WDR20: variants seen among roughly 807,000 people sequenced by gnomAD.
WDR20 encodes WD repeat-containing protein 20.
A neutral mutation model predicts 38.7 loss-of-function variants in WDR20; 3 were observed. That is an observed-to-expected ratio of 0.08 (90% CI 0.04 to 0.20). The LOEUF is 0.20. Ranked by LOEUF, WDR20 falls within the 10% of genes least tolerant of loss-of-function variation. The pLI is 1.00. For missense variants in WDR20, 559 were observed against 727.7 expected, an observed-to-expected ratio of 0.77 and a Z score of 2.67; for synonymous variants, 298 against 285.6, an observed-to-expected ratio of 1.04 and a Z score of -0.44.
chr14:102,212,075 A>G (rs2062612854), downstream of WDR20, among the ~76,000 whole-genome samples: 1 of 152,134 alleles, frequency 6.6e-6, no homozygotes. Context: ...CTTAGGAGTC[A>G]TTTGCTGATA....
At chr14:102,202,940 C>T (rs578126979) in intron 2 of WDR20, among the ~76,000 whole-genome samples, 2 of 152,324 alleles carry the variant, frequency 1.3e-5, no homozygotes, top group South Asian at 2.1e-4. Flanking sequence ...TAGCTGCATA[C>T]TGGGCAAAAC....
chr14:102,211,438 G>A (rs1306854982), downstream of WDR20, among the ~76,000 whole-genome samples: 2 of 152,162 alleles, frequency 1.3e-5, no homozygotes, highest in Non-Finnish European at 2.9e-5. This position sits in a 1 kb window ranked among gnomAD's most constrained non-coding sequence, Gnocchi z 4.2. Context: ...AACATGTCAC[G>A]GTGGCGCCAT....
rs182799579 is a variant in WDR20, at chr14:102,148,082, C to T, written c.249+7910C>T. 7.2e-5 allele frequency among the ~76,000 whole-genome samples: 11 copies of T among 152,270 alleles called. No homozygotes were observed. In the East Asian group the frequency reaches 9.7e-4, roughly 13 times the overall value. On this transcript the variant is annotated intron_variant, in intron 1 of 2. Transcript: ENST00000342702. ...ATTTTTGTCGTCTGGAATTTAGTAT[C>T]TCAGAGAATAATTCTGTTTGTTTCT...
chr14:102,209,441 C>T lies in WDR20; in HGVS notation c.1271C>T (p.Ser424Phe), dbSNP rs2153021395. 1 of 1,614,230 alleles carries T rather than the reference C, an allele frequency of 6.2e-7. No homozygotes were observed. Among genetic ancestry groups the T allele is most frequent in the East Asian group, 2.2e-5 (1 of 44,892 alleles). ...AACAGTGTTACAACACCCGGGAACT[C>T]TGTGCCGCCTCCTCTGCCACGGTCC... is the stretch of plus-strand genomic sequence containing the variant. Reference protein sequence around the residue: ...NGNSVTTPGNSVPPPLPRSNS... With the variant: ...NGNSVTTPGNFVPPPLPRSNS... The change falls in exon 3 of 3, where the codon TCT becomes TTT. Residue 424 changes from serine (S) to phenylalanine (F), a missense_variant. Ser to Phe is a radical substitution (Grantham distance 155). Transcript: ENST00000342702. This position sits in a 1 kb window ranked among gnomAD's most constrained non-coding sequence, Gnocchi z 6.0.
At position 102,221,502 on chromosome 14, in the gene WDR20, A is replaced by G. The variant is rs1229302495; in HGVS notation, c.1693-1328A>G. ...GGCTTGATGTGTTTGAGCCAGAAGT[A>G]TGGGGCGTTTGCGGGGTCCTCCACA... On this transcript the variant is annotated intron_variant, in intron 3 of 3. Transcript: ENST00000335263. The surrounding 1 kb of genome is among the most constrained non-coding windows in gnomAD (Gnocchi z 4.8). Among the ~76,000 whole-genome samples, 1 of 152,172 alleles carries G rather than the reference A, an allele frequency of 6.6e-6. No homozygotes were observed. Among genetic ancestry groups the G allele is most frequent in the Non-Finnish European group, 1.5e-5 (1 of 68,040 alleles).
At chr14:102,176,794 C>T (rs1038116286) in intron 1 of WDR20, among the ~76,000 whole-genome samples, 8 of 151,700 alleles carry the variant, frequency 5.3e-5, no homozygotes, top group African/African-American at 7.3e-5. Context: ...AGTGCAGTGG[C>T]GCCATCTCGG....
At chr14:102,152,071 T>A (rs760799308) in intron 1 of WDR20, among the ~76,000 whole-genome samples, 30 of 152,072 alleles carry the variant, frequency 2.0e-4, no homozygotes, top group Middle Eastern at 3.4e-3. Flanking sequence ...ATAGGCACCA[T>A]GCCCGGCTAA....
chr14:102,142,979 T>C (rs1003766962), intron 1 of WDR20, among the ~76,000 whole-genome samples: 1 of 151,878 alleles, frequency 6.6e-6, no homozygotes, highest in Non-Finnish European at 1.5e-5. Context: ...CCTGGGGAAA[T>C]GGAGTAGGTG....
downstream of WDR20, among the ~76,000 whole-genome samples, chr14:102,218,693 GTGAC>G (rs1235844105): frequency 1.1e-4 from 17 of 152,022 alleles, no homozygotes; most frequent in South Asian, 3.1e-3. Flanking sequence ...GAATAAAACA[GTGAC>G]TCTGCGGGGA....
downstream of WDR20, among the ~76,000 whole-genome samples, chr14:102,215,523 A>G (rs549445250): frequency 6.6e-6 from 1 of 152,066 alleles, no homozygotes; most frequent in African/African-American, 2.4e-5. Context: ...TTACATAGGG[A>G]TGCATGTGCC....
At chr14:102,215,201 C>T (rs1035274102), downstream of WDR20, among the ~76,000 whole-genome samples, 6 of 152,226 alleles carry the variant, frequency 3.9e-5, no homozygotes, top group East Asian at 1.9e-4. Context: ...AAATGTTCTG[C>T]GTCTCAGATA....
intron 1 of WDR20, among the ~76,000 whole-genome samples, chr14:102,170,842 T>A (rs2060655037): frequency 6.6e-6 from 1 of 152,136 alleles, no homozygotes; most frequent in Non-Finnish European, 1.5e-5. Context: ...AGACATTTTG[T>A]TCCATTTGTC....
chr14:102,182,099 T>G (rs1257703387), intron 1 of WDR20, among the ~76,000 whole-genome samples: 1 of 152,206 alleles, frequency 6.6e-6, no homozygotes, highest in Non-Finnish European at 1.5e-5. Flanking sequence ...TCCTAGAATC[T>G]TTAGAAGACT....
intron 1 of WDR20, among the ~76,000 whole-genome samples, chr14:102,158,973 C>T (rs954578568): frequency 1.3e-5 from 2 of 151,770 alleles, no homozygotes; most frequent in African/African-American, 4.9e-5. Flanking sequence ...GGCAGGGTCT[C>T]TCTCAGTCAC....
intron 2 of WDR20, among the ~76,000 whole-genome samples, chr14:102,200,462 T>TG (rs1567022815): frequency 1.3e-3 from 130 of 97,928 alleles, no homozygotes; most frequent in Admixed American, 3.2e-3. Flanking sequence ...TTTAAATTTT[T>TG]TTTTTTGTGT....
intron 2 of WDR20, among the ~76,000 whole-genome samples, chr14:102,204,310 T>C (rs2061108132): frequency 6.6e-6 from 1 of 152,202 alleles, no homozygotes. Context: ...TCCTTCTGTC[T>C]TGCTCAGCTG....
At chr14:102,176,349 C>G (rs1360274504) in intron 1 of WDR20, among the ~76,000 whole-genome samples, 1 of 151,268 alleles carries the variant, frequency 6.6e-6, no homozygotes, top group Non-Finnish European at 1.5e-5. Flanking sequence ...GAGCCAAGAT[C>G]GCGCCACTGT....
rs6575900 is a variant in WDR20 at position 102,209,013 on chromosome 14, G to C, written c.843G>C (p.Gly281=). 0.23 allele frequency: 375,279 copies of C among 1,613,834 alleles called. 53,653 individuals are homozygous for C. Among genetic ancestry groups the C allele is most frequent in the African/African-American group, 0.7 (52,506 of 74,894 alleles). ...SPDGKYIVTG[G]EDDLVTVWSF... is the part of the protein sequence containing the mutation. ...ATGGCAAGTACATCGTGACAGGTGG[G>C]GAGGACGACTTGGTGACAGTCTGGT... The change falls in exon 3 of 3, where the codon GGG becomes GGC. Residue 281 remains glycine, a synonymous_variant. Coordinates refer to ENST00000342702, the MANE Select transcript of WDR20 (RefSeq NM_144574.4). The surrounding 1 kb of genome is among the most constrained non-coding windows in gnomAD (Gnocchi z 6.0).
In WDR20 at chr14:102,208,688, A is replaced by C. The variant is rs769604666; in HGVS notation, c.518A>C (p.Asn173Thr). Residue 173 changes from asparagine to threonine, a missense_variant, in exon 3 of 3, where the codon AAC becomes ACC. By Grantham distance (65) the Asn-to-Thr change is moderately conservative (BLOSUM62 0). Coordinates refer to ENST00000342702, the MANE Select transcript of WDR20 (RefSeq NM_144574.4). This position sits in a 1 kb window ranked among gnomAD's most constrained non-coding sequence, Gnocchi z 5.6. ...SLFLVAHSSGNMYLYNVEHTC... is the reference protein window; with the variant it reads ...SLFLVAHSSGTMYLYNVEHTC... ...TTCCTAGTAGCCCACTCGAGTGGGA[A>C]CATGTACTTATATAATGTGGAGCAC... 1.2e-6 allele frequency: 2 copies of C among 1,614,220 alleles called. No homozygotes were observed. The highest frequency in any genetic ancestry group is 2.2e-5 in the South Asian group (2 of 91,080).
Sources: allele counts gnomAD v4.1 joint callset (sites outside exome capture counted in the v4.1 genomes callset), GRCh38; gene constraint gnomAD v4.1.1; non-coding constraint Gnocchi (gnomAD v3.1); transcripts MANE v1.5; gene names NCBI Gene and HGNC (gene_info 2026-07-23, HGNC 2026-07-21).